Variants in TMEM87A observed in about 807,000 individuals in gnomAD.
The protein encoded by TMEM87A is transmembrane protein 87A.
Under a neutral mutation model 90.0 loss-of-function variants are expected in TMEM87A, and 50 were observed. That is an observed-to-expected ratio of 0.56 (90% CI 0.44 to 0.70). The LOEUF (loss-of-function observed/expected upper bound fraction) is 0.70, where lower values mean the gene tolerates loss of function less well. TMEM87A is among the 30% of genes least tolerant of loss of function. The pLI is 0.00. For missense variants in TMEM87A, 577 were observed against 660.5 expected (o/e 0.87, Z 1.39); for synonymous variants, 226 against 226.7 (o/e 1.00, Z 0.03).
At position 42,218,427 on chromosome 15, in the gene TMEM87A, A is replaced by C. The variant is rs574651870; in HGVS notation, c.1540-49T>G. ...ATTACTAAAATGCACCACATAATAC[A>C]TCTCAAGTAAGGACATGAAGGTCTT... On this transcript the variant is annotated intron_variant, in intron 17 of 19. Coordinates refer to ENST00000389834, the MANE Select transcript of TMEM87A (RefSeq NM_015497.5). 164 of 1,566,226 alleles carry C rather than the reference A, an allele frequency of 1.0e-4. 1 individual carries two copies. The Admixed American group carries it at 2.8e-3, about 26-fold the overall frequency.
chr15:42,243,457 T>C (rs1470801439), intron 7 of TMEM87A, among the ~76,000 whole-genome samples: 1 of 151,382 alleles, frequency 6.6e-6, no homozygotes, highest in Non-Finnish European at 1.5e-5. Context: ...GGCAGCAACC[T>C]TGGAAAGGAG....
At chr15:42,212,008 GATCTT>G (rs1340343050) in intron 19 of TMEM87A, among the ~76,000 whole-genome samples, 11,965 of 152,168 alleles carry the variant, frequency 0.079, 1,272 homozygotes, top group African/African-American at 0.22. Flanking sequence ...AGTCAGCTAA[GATCTT>G]ATGTAAACAA....
chr15:42,259,851 A>G (rs1434594160), intron 6 of TMEM87A, among the ~76,000 whole-genome samples: 1 of 152,236 alleles, frequency 6.6e-6, no homozygotes, highest in Non-Finnish European at 1.5e-5. Context: ...GAAGCCAGAC[A>G]CAAGTCCATG....
In TMEM87A at chr15:42,219,532, G is replaced by T. The variant is rs1452695877; in HGVS notation, c.1539+49C>A. On this transcript the variant is annotated intron_variant, in intron 17 of 19. Transcript: ENST00000389834. ...TTTTCTTCTAGTAGTTCTACTAAGGGTTGGAAGATGGGACAAAGAACAAAG... is the reference window on the plus strand; with the variant it reads ...TTTTCTTCTAGTAGTTCTACTAAGGTTTGGAAGATGGGACAAAGAACAAAG... 4.9e-6 allele frequency: 7 copies of T among 1,437,804 alleles called. No homozygotes were observed. In the East Asian group the frequency reaches 1.2e-4, roughly 24 times the overall value. The allele number at this position is 1,437,804 out of a possible 1,614,324, so 89.1% of individuals were successfully genotyped here.
intron 10 of TMEM87A, among the ~76,000 whole-genome samples, chr15:42,234,440 G>T (rs949732890): frequency 5.3e-5 from 8 of 152,160 alleles, no homozygotes; most frequent in Non-Finnish European, 8.8e-5. Flanking sequence ...TATGAGCAGG[G>T]AATTTTCTCC....
At position 42,239,573 on chromosome 15, in the gene TMEM87A, G is replaced by C. The variant is rs964153065; in HGVS notation, c.684+97C>G. 3 of 1,043,482 alleles carry C rather than the reference G, an allele frequency of 2.9e-6. No homozygotes were observed. In the African/African-American group the frequency reaches 4.7e-5, roughly 16 times the overall value. 64.6% of individuals were successfully genotyped at this position (1,043,482 alleles called of 1,614,324 possible). A position where few individuals can be genotyped will look rare whatever the true frequency, so the allele number is the denominator to read the frequency against. ...AAGCAACATTTTCTGAATTGCACAGGAACAATTCATTAAAAAGAATACTGC... is the reference window on the plus strand; with the variant it reads ...AAGCAACATTTTCTGAATTGCACAGCAACAATTCATTAAAAAGAATACTGC... On this transcript the variant is annotated intron_variant, in intron 8 of 19. Coordinates refer to ENST00000389834, the MANE Select transcript of TMEM87A (RefSeq NM_015497.5).
At chr15:42,258,450 T>C in intron 6 of TMEM87A, 2 of 616,062 alleles carry the variant, frequency 3.2e-6, no homozygotes, top group Non-Finnish European at 2.0e-6. Flanking sequence ...TTTTTTGAGA[T>C]GGAATCTCAC....
At chr15:42,212,301 A>AT (rs766191954) in intron 19 of TMEM87A, among the ~76,000 whole-genome samples, 3 of 152,146 alleles carry the variant, frequency 2.0e-5, no homozygotes, top group Non-Finnish European at 2.9e-5. Flanking sequence ...TTCTTAGGCA[A>AT]TTTTATACCT....
At chr15:42,234,972 C>T (rs2050746101) in intron 10 of TMEM87A, among the ~76,000 whole-genome samples, 1 of 152,104 alleles carries the variant, frequency 6.6e-6, no homozygotes, top group Non-Finnish European at 1.5e-5. Flanking sequence ...AGGGCCCAGC[C>T]CTTGGACCTC....
intron 4 of TMEM87A, among the ~76,000 whole-genome samples, chr15:42,263,470 C>A (rs1231500530): frequency 6.6e-6 from 1 of 152,112 alleles, no homozygotes; most frequent in Non-Finnish European, 1.5e-5. Context: ...TGGGGCTCAG[C>A]CCGGTGGCTC....
rs955241920 is a variant in TMEM87A at position 42,259,093 on chromosome 15, T to C, written c.504+1865A>G. 3.4e-4 allele frequency: 229 copies of C among 669,416 alleles called. 1 individual carries two copies. Among genetic ancestry groups the C allele is most frequent in the Non-Finnish European group, 1.2e-4 (44 of 367,344 alleles). The allele number at this position is 669,416 out of a possible 1,614,324, so 41.5% of individuals were successfully genotyped here. A position where few individuals can be genotyped will look rare whatever the true frequency, so the allele number is the denominator to read the frequency against. The stretch of plus-strand genomic sequence containing the variant: ...AGTCCCTGAAACTGTTAACAGCTGA[T>C]AAAAACAACAGCTTAGCAGCCACTA... On this transcript the variant is annotated intron_variant, in intron 6 of 19. Coordinates refer to ENST00000389834, the MANE Select transcript of TMEM87A (RefSeq NM_015497.5).
intron 7 of TMEM87A, among the ~76,000 whole-genome samples, chr15:42,241,029 T>C (rs897983178): frequency 3.9e-5 from 6 of 152,214 alleles, no homozygotes; most frequent in African/African-American, 1.4e-4. Flanking sequence ...CACAGCCACA[T>C]CCACTCATTT....
At chr15:42,265,224 C>T (rs1056265848) in intron 3 of TMEM87A, among the ~76,000 whole-genome samples, 16 of 152,092 alleles carry the variant, frequency 1.1e-4, no homozygotes, top group African/African-American at 3.6e-4. Context: ...GATATATACC[C>T]AGTAATGGGA....
chr15:42,218,468 T>A (rs1310377777), intron 17 of TMEM87A, 90 bp from the exon 18 acceptor site: 7 of 1,286,840 alleles, frequency 5.4e-6, no homozygotes, highest in Admixed American at 1.9e-5. Flanking sequence ...TTGTCTTTCA[T>A]AATTCTGTAG....
chr15:42,271,482 A>G (rs1257710135), intron 2 of TMEM87A: 1 of 152,210 alleles, frequency 6.6e-6, no homozygotes, highest in Non-Finnish European at 1.5e-5. Flanking sequence ...CTACATATAC[A>G]ACGGGGGTCC....
chr15:42,270,189 G>A (rs1352400703), intron 2 of TMEM87A, among the ~76,000 whole-genome samples: 1 of 151,994 alleles, frequency 6.6e-6, no homozygotes, highest in East Asian at 1.9e-4. Flanking sequence ...GGCCAATATG[G>A]TGAAACCCCC....
intron 10 of TMEM87A, among the ~76,000 whole-genome samples, chr15:42,234,369 C>T (rs2050738055): frequency 6.6e-6 from 1 of 152,134 alleles, no homozygotes; most frequent in South Asian, 2.1e-4. Flanking sequence ...TAAATCATGT[C>T]TGCATAGGCC....
chr15:42,273,314 C>T lies in TMEM87A; in HGVS notation c.85G>A (p.Ala29Thr), dbSNP rs1408730560. Residue 29 changes from alanine to threonine, a missense_variant, in exon 1 of 20, where the codon GCG (alanine) becomes ACG (threonine). Physicochemically the swap from Ala to Thr is moderately conservative, Grantham distance 58 (BLOSUM62 0). Transcript: ENST00000389834. Reference protein sequence around the residue: ...AHPSPLSFFSAGPATVAAADR... With the variant: ...AHPSPLSFFSTGPATVAAADR... ...GCAGCAGCTACGGTTGCCGGTCCCG[C>T]ACTGAAAAACGACAGTGGTGACGGG... is the stretch of plus-strand genomic sequence containing the variant. 1.9e-6 allele frequency: 3 copies of T among 1,614,022 alleles called. No individual in the cohort carries two copies. The highest frequency in any genetic ancestry group is 2.7e-5 in the African/African-American group (2 of 74,906).
rs553283351 is a variant in TMEM87A, at chr15:42,268,654, G to A, written c.206-622C>T. Among the ~76,000 whole-genome samples, 5 of 151,426 alleles carry A rather than the reference G, an allele frequency of 3.3e-5. No individual in the cohort carries two copies. In the East Asian group the frequency reaches 5.8e-4, roughly 18 times the overall value. ...TGCACTCCAGCCTGGGCGACAGAGC[G>A]AGACCCTGTCTCAAAAAACATAAAT... On this transcript the variant is annotated intron_variant, in intron 2 of 19. Coordinates refer to ENST00000389834, the MANE Select transcript of TMEM87A (RefSeq NM_015497.5).
Sources: allele counts gnomAD v4.1 joint callset (sites outside exome capture counted in the v4.1 genomes callset), GRCh38; gene constraint gnomAD v4.1.1; transcripts MANE v1.5; gene names NCBI Gene and HGNC (gene_info 2026-07-23, HGNC 2026-07-21).